The following ARHGAP35 variants were observed in gnomAD, a reference collection of about 807,000 sequenced individuals.
ARHGAP35 encodes Rho GTPase activating protein 35.
Under a neutral mutation model 111.1 loss-of-function variants are expected in ARHGAP35, and 15 were observed. That is an observed-to-expected ratio of 0.13 (90% CI 0.09 to 0.21). The LOEUF (loss-of-function observed/expected upper bound fraction) is 0.21. Ranked by LOEUF, ARHGAP35 falls within the 10% of genes least tolerant of loss-of-function variation. ARHGAP35 has a pLI of 1.00. For synonymous variants in ARHGAP35, 643 were observed against 710.3 expected, an observed-to-expected ratio of 0.91 and a Z score of 1.51; for missense variants, 1,262 against 1,873.0, an observed-to-expected ratio of 0.67 and a Z score of 6.02.
At chr19:46,925,672 A>T (rs750306418) in intron 2 of ARHGAP35, among the ~76,000 whole-genome samples, 1 of 152,196 alleles carries the variant, frequency 6.6e-6, no homozygotes, top group African/African-American at 2.4e-5. Context: ...TAGTTATGTT[A>T]GAGTAGGTTG....
chr19:46,937,643 C>T (rs563482423), intron 3 of ARHGAP35, among the ~76,000 whole-genome samples: 10 of 152,308 alleles, frequency 6.6e-5, no homozygotes, highest in Admixed American at 2.6e-4. Flanking sequence ...CTGTTCTGTG[C>T]TCAAGGTGGC....
intron 1 of ARHGAP35, among the ~76,000 whole-genome samples, chr19:46,870,333 A>G (rs1290416274): frequency 6.6e-6 from 1 of 151,428 alleles, no homozygotes; most frequent in Non-Finnish European, 1.5e-5. Flanking sequence ...AATCCCCAGC[A>G]CTTTGGGAGG....
At chr19:46,936,666 G>A (rs375088305) in intron 2 of ARHGAP35, among the ~76,000 whole-genome samples, 3 of 151,944 alleles carry the variant, frequency 2.0e-5, no homozygotes, top group Non-Finnish European at 2.9e-5. Flanking sequence ...GATAATCATC[G>A]TATTGTTATT....
chr19:46,861,697 A>G (rs183103982), intron 1 of ARHGAP35, among the ~76,000 whole-genome samples: 257 of 151,284 alleles, frequency 1.7e-3, no homozygotes, highest in African/African-American at 5.9e-3. Context: ...CCTCTTCTCG[A>G]TTCTGCTCTC....
At chr19:46,941,234 C>T (rs1489749077) in intron 3 of ARHGAP35, among the ~76,000 whole-genome samples, 1 of 152,144 alleles carries the variant, frequency 6.6e-6, no homozygotes, top group Non-Finnish European at 1.5e-5. Flanking sequence ...ATTTGTCCCC[C>T]ATTCCTTTTT....
At position 46,868,893 on chromosome 19, in the gene ARHGAP35, A is replaced by ATTTTTTTT. The variant is rs59080309; in HGVS notation, c.-189+7706_-189+7713dup. Among the ~76,000 whole-genome samples, 21 of 58,702 alleles carry ATTTTTTTT rather than the reference A, an allele frequency of 3.6e-4. 3 individuals carry two copies. Among genetic ancestry groups the ATTTTTTTT allele is most frequent in the Admixed American group, 6.8e-4 (3 of 4,392 alleles). 38.5% of individuals were successfully genotyped at this position (58,702 alleles called of 152,430 possible). A position where few individuals can be genotyped will look rare whatever the true frequency, so the allele number is the denominator to read the frequency against. ...AGTTATTTAGGTGGAGCTCACCGTG[A>ATTTTTTTT]TTTTTTTTTTTTTTTTTTTTTTTTT... On this transcript the variant is annotated intron_variant, in intron 1 of 6. Coordinates refer to ENST00000672722, the MANE Select transcript of ARHGAP35 (RefSeq NM_004491.5).
At chr19:46,962,689 C>T (rs1222116917) in intron 3 of ARHGAP35, among the ~76,000 whole-genome samples, 1 of 152,182 alleles carries the variant, frequency 6.6e-6, no homozygotes, top group Non-Finnish European at 1.5e-5. Context: ...TCATTGCAAC[C>T]TCCACCTCCC....
intron 5 of ARHGAP35, among the ~76,000 whole-genome samples, chr19:46,991,642 G>A (rs1220718031): frequency 1.3e-5 from 2 of 152,210 alleles, no homozygotes; most frequent in Non-Finnish European, 2.9e-5. Context: ...GACCGAAGCG[G>A]GTGGGAGAGG....
intron 3 of ARHGAP35, among the ~76,000 whole-genome samples, chr19:46,957,238 G>A (rs2056444951): frequency 1.3e-5 from 2 of 152,080 alleles, no homozygotes; most frequent in African/African-American, 2.4e-5. Flanking sequence ...TGGGATTACA[G>A]GCGTGAGCCA....
At chr19:46,983,051 G>A (rs1263786261) in intron 3 of ARHGAP35, among the ~76,000 whole-genome samples, 6 of 18,392 alleles carry the variant, frequency 3.3e-4, no homozygotes, top group Non-Finnish European at 5.0e-4. Flanking sequence ...AAGACCTTGT[G>A]TACAAAAAAA....
chr19:46,973,662 G>A (rs1038486398), intron 3 of ARHGAP35, among the ~76,000 whole-genome samples: 3 of 151,742 alleles, frequency 2.0e-5, no homozygotes, highest in African/African-American at 7.3e-5. Context: ...CTGCAATCCA[G>A]CCTGGGCAAC....
intron 3 of ARHGAP35, among the ~76,000 whole-genome samples, chr19:46,975,776 C>T (rs1055212901): frequency 1.9e-4 from 29 of 152,258 alleles, no homozygotes; most frequent in Middle Eastern, 3.4e-3. Context: ...AACAGCCACC[C>T]TGCAAAAAAC....
chr19:47,003,464 C>G lies in ARHGAP35; in HGVS notation c.*2776C>G, dbSNP rs897881601. 6.6e-6 allele frequency: 1 copy of G among 152,290 alleles called. No individual in the cohort carries two copies. Among genetic ancestry groups the G allele is most frequent in the Non-Finnish European group, 1.5e-5 (1 of 68,068 alleles). The allele number at this position is 152,290 out of a possible 1,614,324, so 9.4% of individuals were successfully genotyped here. A position where few individuals can be genotyped will look rare whatever the true frequency, so the allele number is the denominator to read the frequency against. Reference sequence around the variant, plus strand: ...GCAGCCCTTGGTGCAAAGCCAGAGACTGATCCTGGCTCTGACGGCTGAAGA... The same window carrying G: ...GCAGCCCTTGGTGCAAAGCCAGAGAGTGATCCTGGCTCTGACGGCTGAAGA... On this transcript the variant is annotated 3_prime_UTR_variant, in exon 7 of 7. Transcript: ENST00000672722.
chr19:47,000,564 T>C lies in ARHGAP35; in HGVS notation c.4376T>C (p.Val1459Ala), dbSNP rs1222765340. 4 of 1,612,388 alleles carry C rather than the reference T, an allele frequency of 2.5e-6. No homozygotes were observed. Among genetic ancestry groups the C allele is most frequent in the Non-Finnish European group, 1.7e-6 (2 of 1,179,530 alleles). Residue 1459 changes from valine (V) to alanine (A), a missense_variant, in exon 7 of 7, where the codon GTC (valine) becomes GCC (alanine). By Grantham distance (64) the Val-to-Ala change is moderately conservative (BLOSUM62 0). This residue lies in a region of ARHGAP35 where 75 missense variants were observed against 87.0 expected (regional missense o/e 0.86). Coordinates refer to ENST00000672722, the MANE Select transcript of ARHGAP35 (RefSeq NM_004491.5). The surrounding 1 kb of genome is among the most constrained non-coding windows in gnomAD (Gnocchi z 6.9). Reference protein sequence around the residue: ...PSSPSAVASTVPFLTSTPVTS... With the variant: ...PSSPSAVASTAPFLTSTPVTS... ...TCCCCCTCTGCCGTGGCTTCCACCG[T>C]CCCCTTCCTCACTTCCACGCCTGTC...
At position 46,918,603 on chromosome 19, in the gene ARHGAP35, A is replaced by G. The variant is rs2056177274; in HGVS notation, c.-73A>G. On this transcript the variant is annotated 5_prime_UTR_variant, in exon 2 of 7. The change abolishes the stop of an existing upstream ORF in the 5' untranslated region. Transcript: ENST00000672722. This position sits in a 1 kb window ranked among gnomAD's most constrained non-coding sequence, Gnocchi z 5.4. ...TCCAGCCCACCCCCACTAATAATGT[A>G]GGAAGCTGTCTGGTCCATTGGAAAC... 2.1e-6 allele frequency: 3 copies of G among 1,458,762 alleles called. No individual in the cohort carries two copies. In the Middle Eastern group the frequency reaches 6.5e-4, roughly 314 times the overall value. 90.4% of individuals were successfully genotyped at this position (1,458,762 alleles called of 1,614,324 possible).
rs780104153 is a variant in ARHGAP35 at position 47,000,562 on chromosome 19, C to T, written c.4374C>T (p.Thr1458=). The change falls in exon 7 of 7, where the codon ACC becomes ACT. Residue 1458 remains threonine, a synonymous_variant. Transcript: ENST00000672722. The surrounding 1 kb of genome is among the most constrained non-coding windows in gnomAD (Gnocchi z 6.9). ...GCTCCCCCTCTGCCGTGGCTTCCAC[C>T]GTCCCCTTCCTCACTTCCACGCCTG... ...RPSSPSAVAS[T]VPFLTSTPVT... 187 of 1,613,312 alleles carry T rather than the reference C, an allele frequency of 1.2e-4. No homozygotes were observed. Among genetic ancestry groups the T allele is most frequent in the Non-Finnish European group, 1.5e-4 (174 of 1,179,848 alleles).
intron 1 of ARHGAP35, among the ~76,000 whole-genome samples, chr19:46,875,779 G>C (rs2055915636): frequency 6.6e-6 from 1 of 152,150 alleles, no homozygotes; most frequent in South Asian, 2.1e-4. Flanking sequence ...GTGCTGCAAA[G>C]GCGGCGTGAT....
chr19:46,872,418 T>G (rs994579217), intron 1 of ARHGAP35, among the ~76,000 whole-genome samples: 1 of 151,904 alleles, frequency 6.6e-6, no homozygotes. Context: ...AAAAAAAGAT[T>G]AAACAAGTTT....
chr19:46,968,309 GC>G lies in ARHGAP35; in HGVS notation c.3827-19679del, dbSNP rs1464327416. Among the ~76,000 whole-genome samples, 37 of 152,346 alleles carry G rather than the reference GC, an allele frequency of 2.4e-4. No homozygotes were observed. The Middle Eastern group carries it at 0.014, about 56-fold the overall frequency. ...AGCATGTGTGTTGCTGATAGGGCAT[GC>G]GTGTGAAACATTTAGGTGGGATATC... On this transcript the variant is annotated intron_variant, in intron 3 of 6. Coordinates refer to ENST00000672722, the MANE Select transcript of ARHGAP35 (RefSeq NM_004491.5).
Sources: allele counts gnomAD v4.1 joint callset (sites outside exome capture counted in the v4.1 genomes callset), GRCh38; gene constraint gnomAD v4.1.1; regional missense constraint gnomAD v4.1.1; non-coding constraint Gnocchi (gnomAD v3.1); transcripts MANE v1.5; gene names NCBI Gene and HGNC (gene_info 2026-07-23, HGNC 2026-07-21).